Variants in KCNIP3 observed in about 807,000 individuals in gnomAD.
KCNIP3 encodes the protein potassium voltage-gated channel interacting protein 3, also known as calsenilin.
KCNIP3 carries 28 observed loss-of-function variants against 35.0 expected under a neutral mutation model. The ratio of observed to expected loss-of-function variants is 0.80; its 90% CI spans 0.59 to 1.10. The LOEUF is 1.10. Among genes scored for constraint, KCNIP3 ranks in the 50% least tolerant of loss-of-function variants. The pLI, the probability that KCNIP3 is intolerant of heterozygous loss-of-function variation, is 0.00. For missense variants in KCNIP3, 295 were observed against 338.4 expected, an observed-to-expected ratio of 0.87 and a Z score of 1.01; for synonymous variants, 134 against 133.8, an observed-to-expected ratio of 1.00 and a Z score of -0.01.
At chr2:95,350,587 G>C (rs1679489593) in intron 2 of KCNIP3, among the ~76,000 whole-genome samples, 1 of 152,182 alleles carries the variant, frequency 6.6e-6, no homozygotes, top group Admixed American at 6.5e-5. Context: ...GCACCGAGCA[G>C]GGGGCCCGGA....
At chr2:95,314,370 G>A (rs1448860035) in intron 2 of KCNIP3, among the ~76,000 whole-genome samples, 5 of 152,164 alleles carry the variant, frequency 3.3e-5, no homozygotes. Flanking sequence ...GTTGTAGTAT[G>A]ACATCTGTGG....
rs968613405 is a variant in KCNIP3, at chr2:95,368,084, A to C, written c.182-6212A>C. On this transcript the variant is annotated intron_variant, in intron 2 of 8. Coordinates refer to ENST00000295225, the MANE Select transcript of KCNIP3 (RefSeq NM_013434.5). ...GCCTGTTACTTAACATTTTAATGCA[A>C]ATTATAAAACATGATAAAGTTGCAG... 3.4e-4 allele frequency among the ~76,000 whole-genome samples: 52 copies of C among 152,180 alleles called. 1 individual carries two copies. Among genetic ancestry groups the C allele is most frequent in the Non-Finnish European group, 4.4e-5 (3 of 68,034 alleles).
At chr2:95,333,400 G>T (rs529743476) in intron 2 of KCNIP3, among the ~76,000 whole-genome samples, 30 of 152,230 alleles carry the variant, frequency 2.0e-4, no homozygotes, top group Non-Finnish European at 3.4e-4. Flanking sequence ...ATTGAGAAAA[G>T]AATCAAAAGC....
At chr2:95,310,577 A>G in intron 2 of KCNIP3, 57 bp downstream of exon 2, 1 of 1,600,704 alleles carries the variant, frequency 6.2e-7, no homozygotes, top group Non-Finnish European at 8.6e-7. Context: ...TGTTCTGAGC[A>G]CTGTCCTTTC....
chr2:95,372,591 C>T (rs1042641815), intron 2 of KCNIP3, among the ~76,000 whole-genome samples: 4 of 152,036 alleles, frequency 2.6e-5, no homozygotes, highest in East Asian at 1.9e-4. Flanking sequence ...TGAGAGGGAT[C>T]GGGACCCACT....
intron 2 of KCNIP3, among the ~76,000 whole-genome samples, chr2:95,314,128 TAA>T (rs1678396016): frequency 6.6e-6 from 1 of 151,912 alleles, no homozygotes; most frequent in Admixed American, 6.6e-5. Flanking sequence ...CGTAAAATCA[TAA>T]AGACACCACC....
At chr2:95,331,619 G>T (rs1349688677) in intron 2 of KCNIP3, among the ~76,000 whole-genome samples, 1 of 152,210 alleles carries the variant, frequency 6.6e-6, no homozygotes, top group East Asian at 1.9e-4. Context: ...TCAGAGCTTG[G>T]CTTGGACATT....
chr2:95,318,601 C>T (rs1678515161), intron 2 of KCNIP3, among the ~76,000 whole-genome samples: 1 of 152,162 alleles, frequency 6.6e-6, no homozygotes, highest in Admixed American at 6.5e-5. Context: ...ACTCCAGGCT[C>T]TCCCTCCTCT....
intron 2 of KCNIP3, among the ~76,000 whole-genome samples, chr2:95,343,157 G>A (rs1391414363): frequency 6.6e-6 from 1 of 152,116 alleles, no homozygotes; most frequent in Non-Finnish European, 1.5e-5. Flanking sequence ...CACAGGGCGA[G>A]AGTGTGGTGA....
intron 1 of KCNIP3, chr2:95,298,662 G>T (rs529064381): frequency 6.6e-6 from 1 of 152,380 alleles, no homozygotes; most frequent in African/African-American, 2.4e-5. Flanking sequence ...CCTCCCTTGT[G>T]CTATCTGCTC....
chr2:95,368,540 T>C, intron 2 of KCNIP3: 1 of 354,464 alleles, frequency 2.8e-6, no homozygotes, highest in Non-Finnish European at 5.6e-6. Context: ...AAAAAAAAAT[T>C]AAGTGGGAGT....
At position 95,384,346 on chromosome 2, in the gene KCNIP3, G is replaced by T. The variant is rs1680431939; in HGVS notation, c.*297G>T. The T allele has an allele frequency of 4.4e-6, 2 of 449,996 alleles. No individual in the cohort carries two copies. The highest frequency in any genetic ancestry group is 8.0e-6 in the Non-Finnish European group (2 of 249,316). 27.9% of individuals were successfully genotyped at this position (449,996 alleles called of 1,614,324 possible). On this transcript the variant is annotated 3_prime_UTR_variant, in exon 9 of 9. Transcript: ENST00000295225. ...TCTGGGTGAGTGGCTGACAGAGCAG[G>T]TCTGCAGGCCACCAGCTGCTGGATG...
chr2:95,331,587 C>T (rs373941353), intron 2 of KCNIP3, among the ~76,000 whole-genome samples: 2 of 152,212 alleles, frequency 1.3e-5, no homozygotes, highest in East Asian at 3.9e-4. Context: ...GGCCTCCTTG[C>T]TCCCGCTGCC....
intron 2 of KCNIP3, among the ~76,000 whole-genome samples, chr2:95,333,269 C>T (rs993240031): frequency 9.2e-5 from 14 of 152,212 alleles, no homozygotes; most frequent in African/African-American, 3.4e-4. Flanking sequence ...AGGCCAGGGC[C>T]GCAGCTGCAG....
intron 2 of KCNIP3, among the ~76,000 whole-genome samples, chr2:95,354,634 C>T (rs1679609566): frequency 6.6e-6 from 1 of 152,200 alleles, no homozygotes; most frequent in East Asian, 1.9e-4. Flanking sequence ...GCCCTCTGCG[C>T]ACTTGCCCTG....
chr2:95,338,141 G>A (rs981064249), intron 2 of KCNIP3, among the ~76,000 whole-genome samples: 1 of 152,198 alleles, frequency 6.6e-6, no homozygotes, highest in Non-Finnish European at 1.5e-5. Context: ...GGAGGCAGGG[G>A]CTGTGGGGCA....
At chr2:95,335,802 G>T (rs1481482013) in intron 2 of KCNIP3, among the ~76,000 whole-genome samples, 1 of 151,634 alleles carries the variant, frequency 6.6e-6, no homozygotes, top group African/African-American at 2.4e-5. Context: ...TTTCTTCTGG[G>T]AGTCTAGTTA....
chr2:95,361,913 T>C (rs1314476143), intron 2 of KCNIP3, among the ~76,000 whole-genome samples: 3 of 152,080 alleles, frequency 2.0e-5, no homozygotes, highest in African/African-American at 7.2e-5. Flanking sequence ...TAACACAGAC[T>C]GAAGGACTTA....
intron 2 of KCNIP3, among the ~76,000 whole-genome samples, chr2:95,329,155 C>T (rs1170658837): frequency 6.6e-6 from 1 of 152,224 alleles, no homozygotes; most frequent in Non-Finnish European, 1.5e-5. Flanking sequence ...TTAAATAGAA[C>T]ACGGCGATTA....
Sources: gnomAD v4.1 joint callset for allele counts (sites outside exome capture counted in the v4.1 genomes callset) on GRCh38, gnomAD v4.1.1 for gene constraint, MANE v1.5 for transcripts, NCBI Gene and HGNC (gene_info 2026-07-23, HGNC 2026-07-21) for gene names.